SETBP1: variants seen among roughly 807,000 people sequenced by gnomAD.
The protein encoded by SETBP1 is SET-binding protein.
A neutral mutation model predicts 101.0 loss-of-function variants in SETBP1; 9 were observed. That is an observed-to-expected ratio of 0.09 (90% CI 0.05 to 0.16). The LOEUF (loss-of-function observed/expected upper bound fraction) is 0.16, where lower values mean the gene tolerates loss of function less well. SETBP1 is among the 10% of genes least tolerant of loss of function. The pLI, the probability that SETBP1 is intolerant of heterozygous loss-of-function variation, is 1.00. For synonymous variants in SETBP1, 818 were observed against 788.5 expected, an observed-to-expected ratio of 1.04 and a Z score of -0.63; for missense variants, 1,858 against 2,033.8, an observed-to-expected ratio of 0.91 and a Z score of 1.66.
intron 5 of SETBP1, among the ~76,000 whole-genome samples, chr18:45,055,994 T>A (rs1424206674): frequency 6.6e-6 from 1 of 152,248 alleles, no homozygotes; most frequent in Non-Finnish European, 1.5e-5. Context: ...TGGCCCAGTT[T>A]ACTGTAAAGG....
intron 2 of SETBP1, among the ~76,000 whole-genome samples, chr18:44,779,719 A>G (rs781678366): frequency 3.1e-4 from 47 of 152,222 alleles, no homozygotes; most frequent in Non-Finnish European, 4.1e-4. Flanking sequence ...CTTGGAGTCT[A>G]TGTGTGAGCT....
chr18:44,875,298 A>G (rs2069372323), intron 3 of SETBP1, among the ~76,000 whole-genome samples: 1 of 152,048 alleles, frequency 6.6e-6, no homozygotes, highest in African/African-American at 2.4e-5. Context: ...AGGCGGGTGG[A>G]TCATGGGGTC....
chr18:44,952,578 G>A lies in SETBP1; in HGVS notation c.3238G>A (p.Gly1080Arg). 6.2e-7 allele frequency: 1 copy of A among 1,613,892 alleles called. No homozygotes were observed. The highest frequency in any genetic ancestry group is 8.5e-7 in the Non-Finnish European group (1 of 1,179,856). Residue 1080 changes from glycine to arginine, a missense_variant, in exon 4 of 6, where the codon GGA becomes AGA. Gly to Arg is a moderately radical substitution (Grantham distance 125). Transcript: ENST00000649279. ...PAPLYLSHTL[G>R]AASPFMRPTV... ...TCCTTTGTACCTATCGCACACGCTTGGAGCAGCTTCCCCATTCATGAGGCC... is the reference window on the plus strand; with the variant it reads ...TCCTTTGTACCTATCGCACACGCTTAGAGCAGCTTCCCCATTCATGAGGCC...
chr18:44,969,315 CAA>C (rs922099618), intron 4 of SETBP1, among the ~76,000 whole-genome samples: 1 of 152,084 alleles, frequency 6.6e-6, no homozygotes, highest in Non-Finnish European at 1.5e-5. Context: ...GAGAGTCTGA[CAA>C]GAGGGGAGGA....
intron 4 of SETBP1, among the ~76,000 whole-genome samples, chr18:45,029,415 C>G (rs1478668452): frequency 6.6e-6 from 1 of 151,936 alleles, no homozygotes; most frequent in Admixed American, 6.6e-5. Context: ...GTTACTGTAG[C>G]CTTGTAGTAT....
intron 2 of SETBP1, among the ~76,000 whole-genome samples, chr18:44,833,835 G>T (rs2072431096): frequency 6.6e-6 from 1 of 152,196 alleles, no homozygotes; most frequent in Non-Finnish European, 1.5e-5. Context: ...TAAATTACAA[G>T]ATTTGCCTTT....
At chr18:45,043,676 A>G (rs1399682881) in intron 5 of SETBP1, among the ~76,000 whole-genome samples, 1 of 152,188 alleles carries the variant, frequency 6.6e-6, no homozygotes, top group Non-Finnish European at 1.5e-5. Context: ...ATTTTTAGGC[A>G]TTTTGCTTCT....
At position 45,068,036 on chromosome 18, in the gene SETBP1, G is replaced by T. The variant is rs2073991823; in HGVS notation, c.*4338G>T. On this transcript the variant is annotated 3_prime_UTR_variant, in exon 6 of 6. Transcript: ENST00000649279. ...ACATATATATTTCAAAAGAAAAAAT[G>T]GGGCACAAGATTGTCTTACAAGTCG... is the stretch of plus-strand genomic sequence containing the variant. 6.6e-6 allele frequency: 1 copy of T among 152,106 alleles called. No homozygotes were observed. Among genetic ancestry groups the T allele is most frequent in the African/African-American group, 2.4e-5 (1 of 41,422 alleles). 9.4% of individuals were successfully genotyped at this position (152,106 alleles called of 1,614,324 possible).
intron 2 of SETBP1, among the ~76,000 whole-genome samples, chr18:44,734,976 A>G (rs1002425299): frequency 6.6e-6 from 1 of 152,206 alleles, no homozygotes; most frequent in Non-Finnish European, 1.5e-5. Context: ...GTTATGTTCC[A>G]TTTCTACTCC....
At chr18:45,027,100 A>G (rs753947249) in intron 4 of SETBP1, among the ~76,000 whole-genome samples, 5 of 152,192 alleles carry the variant, frequency 3.3e-5, no homozygotes, top group African/African-American at 4.8e-5. Context: ...TTGAGCTGGC[A>G]TAACCTTTCC....
chr18:44,915,733 C>A (rs998758855), intron 3 of SETBP1, among the ~76,000 whole-genome samples: 6 of 152,192 alleles, frequency 3.9e-5, no homozygotes, highest in Non-Finnish European at 5.9e-5. Context: ...CAAGTACAGG[C>A]ACCTGCTACG....
chr18:44,965,078 A>G (rs935474542), intron 4 of SETBP1, among the ~76,000 whole-genome samples: 1 of 152,214 alleles, frequency 6.6e-6, no homozygotes, highest in Admixed American at 6.5e-5. Flanking sequence ...GCTGAAGACA[A>G]TTGCCAAATA....
chr18:44,955,501 T>C (rs1207960017), intron 4 of SETBP1, among the ~76,000 whole-genome samples: 1 of 152,242 alleles, frequency 6.6e-6, no homozygotes, highest in Non-Finnish European at 1.5e-5. Flanking sequence ...CTCTTGTGTA[T>C]AGTGTGCTTC....
At chr18:44,795,451 T>G (rs930907703) in intron 2 of SETBP1, among the ~76,000 whole-genome samples, 1 of 152,228 alleles carries the variant, frequency 6.6e-6, no homozygotes, top group Non-Finnish European at 1.5e-5. Flanking sequence ...TTGAGCGGTT[T>G]TAGATCAGGT....
At chr18:44,911,706 T>C (rs992287635) in intron 3 of SETBP1, among the ~76,000 whole-genome samples, 1 of 152,142 alleles carries the variant, frequency 6.6e-6, no homozygotes, top group Non-Finnish European at 1.5e-5. Flanking sequence ...CCCTCTGAGC[T>C]CTCCAATGAA....
chr18:44,775,019 C>T (rs558947926), intron 2 of SETBP1, among the ~76,000 whole-genome samples: 7 of 150,956 alleles, frequency 4.6e-5, no homozygotes, highest in Admixed American at 6.6e-5. Flanking sequence ...TTTTTTTTAA[C>T]TTTCTTGAAA....
Position 44,976,073 on chromosome 18 carries a change from T to TACACACACAC in SETBP1, c.4000+22767_4000+22776dup, listed in dbSNP as rs57458132. 1.5e-3 allele frequency among the ~76,000 whole-genome samples: 215 copies of TACACACACAC among 143,680 alleles called. 1 individual carries two copies. Among genetic ancestry groups the TACACACACAC allele is most frequent in the African/African-American group, 2.8e-3 (110 of 38,788 alleles). 94.3% of individuals were successfully genotyped at this position (143,680 alleles called of 152,430 possible). On this transcript the variant is annotated intron_variant, in intron 4 of 5. Coordinates refer to ENST00000649279, the MANE Select transcript of SETBP1 (RefSeq NM_015559.3). ...AGTAAGTCGAGCTTTTGGGGAGGGA[T>TACACACACAC]ACACACACACACACACACACACACA...
chr18:44,878,166 A>C (rs2069452343), intron 3 of SETBP1, among the ~76,000 whole-genome samples: 1 of 152,222 alleles, frequency 6.6e-6, no homozygotes, highest in African/African-American at 2.4e-5. Flanking sequence ...CAATTTTTTC[A>C]GAACAGAAAT....
chr18:44,686,920 G>C (rs2068849677), intron 1 of SETBP1, among the ~76,000 whole-genome samples: 1 of 152,142 alleles, frequency 6.6e-6, no homozygotes. Flanking sequence ...AATAATAATA[G>C]TGCCTACTGG....
Sources: allele counts gnomAD v4.1 joint callset (sites outside exome capture counted in the v4.1 genomes callset), GRCh38; gene constraint gnomAD v4.1.1; transcripts MANE v1.5; gene names NCBI Gene and HGNC (gene_info 2026-07-23, HGNC 2026-07-21).